Variants in TMTC2 observed in about 807,000 individuals in gnomAD.
TMTC2 encodes protein O-mannosyl-transferase TMTC2.
Under a neutral mutation model 82.4 loss-of-function variants are expected in TMTC2, and 43 were observed. The observed-to-expected ratio is 0.52, with a 90% confidence interval of 0.41 to 0.67. The LOEUF (loss-of-function observed/expected upper bound fraction) is 0.67. TMTC2 is among the 30% of genes least tolerant of loss of function. The pLI, the probability that TMTC2 is intolerant of heterozygous loss-of-function variation, is 0.00. For missense variants in TMTC2, 919 were observed against 1,012.4 expected, an observed-to-expected ratio of 0.91 and a Z score of 1.25; for synonymous variants, 408 against 381.9, an observed-to-expected ratio of 1.07 and a Z score of -0.80.
At position 82,965,575 on chromosome 12, in the gene TMTC2, C is replaced by G. The variant is rs767238654; in HGVS notation, c.1700C>G (p.Thr567Ser). ...RPTLASAYLN[T>S]GIILMNQGRT... ...TCCCCCTCAGCTGCATATTTAAATA[C>G]CGGTATTATTCTAATGAACCAAGGA... The change falls in exon 6 of 12, where the codon ACC (threonine) becomes AGC (serine). Residue 567 changes from threonine (T) to serine (S), a missense_variant. Thr to Ser is a moderately conservative substitution (Grantham distance 58). Transcript: ENST00000321196. The G allele has an allele frequency of 1.2e-6, 2 of 1,613,510 alleles. No individual in the cohort carries two copies. Among genetic ancestry groups the G allele is most frequent in the South Asian group, 2.2e-5 (2 of 91,060 alleles).
Position 83,005,275 on chromosome 12 carries a change from G to C in TMTC2, c.2070+19229G>C, listed in dbSNP as rs1456318260. ...GCCTAGGAGGCAGAGAATGCAATGA[G>C]CCGAGACTGCGCCACCGCACTCCAG... On this transcript the variant is annotated intron_variant, in intron 8 of 11. Transcript: ENST00000321196. Among the ~76,000 whole-genome samples, 3 of 146,544 alleles carry C rather than the reference G, an allele frequency of 2.0e-5. No homozygotes were observed. The South Asian group carries it at 6.5e-4, about 32-fold the overall frequency.
At chr12:83,090,898 G>A (rs1043665161) in intron 11 of TMTC2, among the ~76,000 whole-genome samples, 10 of 152,042 alleles carry the variant, frequency 6.6e-5, no homozygotes, top group African/African-American at 2.4e-4. Flanking sequence ...GATAGCCCGG[G>A]GCCTTAACAT....
intron 8 of TMTC2, among the ~76,000 whole-genome samples, chr12:83,019,706 A>G (rs997807324): frequency 1.3e-5 from 2 of 152,120 alleles, no homozygotes; most frequent in Non-Finnish European, 2.9e-5. Context: ...TCTCTGTTCT[A>G]TCCACATTAT....
intron 2 of TMTC2, among the ~76,000 whole-genome samples, chr12:82,879,255 G>A (rs561683285): frequency 6.6e-6 from 1 of 152,142 alleles, no homozygotes; most frequent in Non-Finnish European, 1.5e-5. Context: ...GGGTATTGTA[G>A]GGTTTAGTGT....
chr12:82,824,004 G>A (rs1869264741), intron 1 of TMTC2, among the ~76,000 whole-genome samples: 1 of 147,744 alleles, frequency 6.8e-6, no homozygotes, highest in Non-Finnish European at 1.5e-5. Context: ...AGTGATTCTT[G>A]TGCCTCAGCC....
At chr12:82,906,586 G>A (rs1005577534) in intron 3 of TMTC2, among the ~76,000 whole-genome samples, 1 of 152,116 alleles carries the variant, frequency 6.6e-6, no homozygotes, top group Non-Finnish European at 1.5e-5. Flanking sequence ...CTACTCGGGA[G>A]GCTGAGGCAG....
At chr12:83,100,578 A>C (rs1361793728) in intron 11 of TMTC2, among the ~76,000 whole-genome samples, 1 of 152,114 alleles carries the variant, frequency 6.6e-6, no homozygotes, top group Non-Finnish European at 1.5e-5. Context: ...TATGTCTTTG[A>C]AACTGTTTCT....
intron 11 of TMTC2, among the ~76,000 whole-genome samples, chr12:83,072,313 G>T (rs955106233): frequency 6.6e-6 from 1 of 152,140 alleles, no homozygotes; most frequent in East Asian, 1.9e-4. Flanking sequence ...GCATGGTTCT[G>T]AAGGTTCCTT....
intron 4 of TMTC2, among the ~76,000 whole-genome samples, chr12:82,953,946 A>C (rs1877481881): frequency 6.6e-6 from 1 of 152,192 alleles, no homozygotes; most frequent in Non-Finnish European, 1.5e-5. Flanking sequence ...ATACTTCTTA[A>C]ATAACTGGGT....
At chr12:82,808,615 T>C (rs1404985661) in intron 1 of TMTC2, among the ~76,000 whole-genome samples, 1 of 152,116 alleles carries the variant, frequency 6.6e-6, no homozygotes, top group Non-Finnish European at 1.5e-5. Context: ...GTCACCGTTA[T>C]ATGCCAGGAG....
At chr12:82,880,106 G>A (rs1185819197) in intron 2 of TMTC2, among the ~76,000 whole-genome samples, 1 of 152,152 alleles carries the variant, frequency 6.6e-6, no homozygotes, top group Non-Finnish European at 1.5e-5. Context: ...CAAGACACAT[G>A]GGTTGATTTG....
intron 2 of TMTC2, among the ~76,000 whole-genome samples, chr12:82,895,372 A>G (rs560730482): frequency 6.6e-6 from 1 of 152,128 alleles, no homozygotes; most frequent in Non-Finnish European, 1.5e-5. Context: ...TGACATGACT[A>G]CTTTTTGTTT....
intron 1 of TMTC2, among the ~76,000 whole-genome samples, chr12:82,785,853 G>A (rs1878154731): frequency 6.6e-6 from 1 of 152,048 alleles, no homozygotes; most frequent in Non-Finnish European, 1.5e-5. Flanking sequence ...GCAGATATTT[G>A]TTAAATAGCT....
At chr12:83,033,756 A>AAAAT (rs1274557755) in intron 9 of TMTC2, among the ~76,000 whole-genome samples, 1 of 151,746 alleles carries the variant, frequency 6.6e-6, no homozygotes, top group Non-Finnish European at 1.5e-5. Flanking sequence ...TGTCTCAAAA[A>AAAAT]AAATAAATAA....
chr12:82,688,941 A>C (rs748425188), intron 1 of TMTC2, among the ~76,000 whole-genome samples: 13 of 152,214 alleles, frequency 8.5e-5, no homozygotes, highest in Non-Finnish European at 1.6e-4. Flanking sequence ...ATCACCTGAT[A>C]ATAGGTGCCA....
chr12:82,703,731 C>T (rs574532367), intron 1 of TMTC2, among the ~76,000 whole-genome samples: 16 of 152,212 alleles, frequency 1.1e-4, no homozygotes, highest in African/African-American at 2.9e-4. Flanking sequence ...TCGTGATCCG[C>T]CCTCCTCGGT....
At chr12:83,128,816 T>C (rs960143267) in intron 11 of TMTC2, among the ~76,000 whole-genome samples, 3 of 152,050 alleles carry the variant, frequency 2.0e-5, no homozygotes, top group African/African-American at 7.2e-5. Flanking sequence ...CTAGCACAGA[T>C]GTAGAGGGGA....
At chr12:82,749,621 A>G (rs187211339) in intron 1 of TMTC2, among the ~76,000 whole-genome samples, 21 of 152,086 alleles carry the variant, frequency 1.4e-4, no homozygotes, top group African/African-American at 4.6e-4. Flanking sequence ...TTGCAGCCTT[A>G]CTTGTTCTGT....
intron 9 of TMTC2, among the ~76,000 whole-genome samples, chr12:83,031,937 A>G (rs143080485): frequency 1.7e-4 from 26 of 152,258 alleles, no homozygotes; most frequent in African/African-American, 6.0e-4. Flanking sequence ...ATTTTGTTTC[A>G]CAATGCAGCT....
Sources: allele counts gnomAD v4.1 joint callset (sites outside exome capture counted in the v4.1 genomes callset), GRCh38; gene constraint gnomAD v4.1.1; transcripts MANE v1.5; gene names NCBI Gene and HGNC (gene_info 2026-07-23, HGNC 2026-07-21).